The following CYP4X1 variants were observed in gnomAD, a reference collection of about 807,000 sequenced individuals.
The protein encoded by CYP4X1 is cytochrome P450 4X1.
CYP4X1 carries 44 observed loss-of-function variants against 57.9 expected under a neutral mutation model. The ratio of observed to expected loss-of-function variants is 0.76; its 90% CI spans 0.60 to 0.98. CYP4X1 has a LOEUF of 0.98. CYP4X1 is among the 50% of genes least tolerant of loss of function. The pLI is 0.00. For missense variants in CYP4X1, 532 were observed against 623.9 expected, an observed-to-expected ratio of 0.85 and a Z score of 1.57; for synonymous variants, 227 against 228.6, an observed-to-expected ratio of 0.99 and a Z score of 0.06.
intron 1 of CYP4X1, among the ~76,000 whole-genome samples, chr1:47,027,508 AG>A (rs1392952589): frequency 6.6e-5 from 10 of 152,200 alleles, no homozygotes; most frequent in African/African-American, 2.4e-4. Flanking sequence ...GAACATTTCA[AG>A]TCTCTTCAAG....
rs1569663122 is a variant in CYP4X1, at chr1:47,049,410, C to A, written c.1273-12C>A. 1 of 1,612,528 alleles carries A rather than the reference C, an allele frequency of 6.2e-7. No individual in the cohort carries two copies. Among genetic ancestry groups the A allele is most frequent in the African/African-American group, 1.3e-5 (1 of 74,962 alleles). On this transcript the variant is annotated splice_polypyrimidine_tract_variant and intron_variant, in intron 10 of 11. Coordinates refer to ENST00000371901, the MANE Select transcript of CYP4X1 (RefSeq NM_178033.2). ...TTTGGGGGATGGTGTTGGGGTTGTC[C>A]TCTCATTTCAGGTCTTTGACCCCTT...
intron 9 of CYP4X1, among the ~76,000 whole-genome samples, chr1:47,047,549 A>G (rs1644315681): frequency 6.6e-6 from 1 of 152,170 alleles, no homozygotes; most frequent in African/African-American, 2.4e-5. Flanking sequence ...GAATAGCACC[A>G]ATGGAAATTT....
chr1:46,993,843 T>C, the CYP4X1 span, among the ~76,000 whole-genome samples: 1 of 152,190 alleles, frequency 6.6e-6, no homozygotes, highest in African/African-American at 2.4e-5. Context: ...CTTTGTCAGA[T>C]GAGTAGATTG....
intron 1 of CYP4X1, among the ~76,000 whole-genome samples, chr1:47,024,956 T>G (rs997675688): frequency 1.3e-5 from 2 of 152,242 alleles, no homozygotes; most frequent in Non-Finnish European, 2.9e-5. Flanking sequence ...TAAATACTTA[T>G]TTGTAAAATA....
chr1:46,990,417 T>C, the CYP4X1 span, among the ~76,000 whole-genome samples: 1 of 152,178 alleles, frequency 6.6e-6, no homozygotes, highest in South Asian at 2.1e-4. Flanking sequence ...CTGGAGACGA[T>C]GCAGAGAAAT....
the CYP4X1 span, among the ~76,000 whole-genome samples, chr1:47,006,588 G>A: frequency 6.6e-6 from 1 of 152,070 alleles, no homozygotes; most frequent in South Asian, 2.1e-4. Context: ...GTGGGTTCAG[G>A]ACAGTGGATG....
the CYP4X1 span, among the ~76,000 whole-genome samples, chr1:47,012,234 A>G: frequency 6.6e-6 from 1 of 152,252 alleles, no homozygotes; most frequent in African/African-American, 2.4e-5. Context: ...CAGCCATAAA[A>G]AAGATGAGTT....
the CYP4X1 span, among the ~76,000 whole-genome samples, chr1:46,983,159 T>C: frequency 6.6e-6 from 1 of 152,174 alleles, no homozygotes; most frequent in Non-Finnish European, 1.5e-5. Flanking sequence ...TCTTTGTTCC[T>C]TCCCCAGCCT....
intron 8 of CYP4X1, among the ~76,000 whole-genome samples, chr1:47,040,501 T>C (rs913922576): frequency 2.6e-5 from 4 of 152,186 alleles, no homozygotes; most frequent in Non-Finnish European, 5.9e-5. Flanking sequence ...TTGAAACATT[T>C]GTAAAACCAA....
chr1:46,961,435 A>C, the CYP4X1 span: 1 of 575,622 alleles, frequency 1.7e-6, no homozygotes, highest in South Asian at 3.4e-5. Context: ...TCCTGGGCCC[A>C]CCAGTTTTTC....
At chr1:47,032,056 CA>C (rs56397619) in intron 3 of CYP4X1, among the ~76,000 whole-genome samples, 13,955 of 147,902 alleles carry the variant, frequency 0.094, 700 homozygotes, top group East Asian at 0.23. Flanking sequence ...CCCCCAACAA[CA>C]AAAAAAAAAC....
At chr1:47,042,943 A>G (rs899882657) in intron 8 of CYP4X1, among the ~76,000 whole-genome samples, 7 of 152,140 alleles carry the variant, frequency 4.6e-5, no homozygotes, top group African/African-American at 1.7e-4. Context: ...TTTTTCATAT[A>G]ATGACTTCTC....
In CYP4X1 at chr1:47,036,169, C is replaced by T. The variant is rs1325355417; in HGVS notation, c.773C>T (p.Thr258Ile). 6.2e-7 allele frequency: 1 copy of T among 1,608,128 alleles called. No homozygotes were observed. Among genetic ancestry groups the T allele is most frequent in the South Asian group, 1.1e-5 (1 of 90,554 alleles). Residue 258 changes from threonine to isoleucine, a missense_variant and splice_region_variant, in exon 6 of 12, where the codon ACA becomes ATA. Thr to Ile is a moderately conservative substitution (Grantham distance 89, BLOSUM62 -1). Transcript: ENST00000371901. Reference sequence around the variant, plus strand: ...TTAAGCCGAGTGTTGAATCAGTACACAGGTATTTGTTGGGTTTGGGTTGCC... The same window carrying T: ...TTAAGCCGAGTGTTGAATCAGTACATAGGTATTTGTTGGGTTTGGGTTGCC... ...QKLSRVLNQY[T>I]DTIIQERKKS... is the part of the protein sequence containing the mutation.
Position 47,039,409 on chromosome 1 carries a change from G to A in CYP4X1, c.950G>A (p.Gly317Glu). 2 of 1,613,712 alleles carry A rather than the reference G, an allele frequency of 1.2e-6. No homozygotes were observed. Among genetic ancestry groups the A allele is most frequent in the South Asian group, 2.2e-5 (2 of 91,024 alleles). ...HSEVSTFLLA[G>E]HDTLAASISW... ...GAAGTGAGCACATTCCTGTTGGCAG[G>A]ACATGACACCTTGGCAGCAAGCATC... Residue 317 changes from glycine (G) to glutamate (E), a missense_variant, in exon 8 of 12, where the codon GGA becomes GAA. By Grantham distance (98) the Gly-to-Glu change is moderately conservative. Transcript: ENST00000371901.
At chr1:46,993,172 A>T in the CYP4X1 span, among the ~76,000 whole-genome samples, 1 of 144,950 alleles carries the variant, frequency 6.9e-6, no homozygotes, top group Admixed American at 7.3e-5. Context: ...TATGAGTGAG[A>T]ACATGCGGTG....
chr1:47,024,072 G>C (rs1463102534), intron 1 of CYP4X1, 78 bp downstream of exon 1: 2 of 1,499,224 alleles, frequency 1.3e-6, no homozygotes, highest in African/African-American at 2.8e-5. Flanking sequence ...CCGGCAGAGA[G>C]ACGCAGCTTT....
intron 4 of CYP4X1, 97 bp downstream of exon 4, chr1:47,033,465 A>G: frequency 6.7e-7 from 1 of 1,489,938 alleles, no homozygotes; most frequent in East Asian, 2.3e-5. Flanking sequence ...ATAAAAAATC[A>G]GTTTCTAAAA....
chr1:46,982,162 T>C, the CYP4X1 span, among the ~76,000 whole-genome samples: 1 of 152,196 alleles, frequency 6.6e-6, no homozygotes, highest in Non-Finnish European at 1.5e-5. Context: ...TGTGTAATAA[T>C]AAAATTATTG....
At chr1:46,970,039 T>C in the CYP4X1 span, among the ~76,000 whole-genome samples, 12 of 152,374 alleles carry the variant, frequency 7.9e-5, no homozygotes, top group East Asian at 2.3e-3. Context: ...GCAAGGTGTC[T>C]GAATTCTAAA....
Sources: gnomAD v4.1 joint callset for allele counts (sites outside exome capture counted in the v4.1 genomes callset) on GRCh38, gnomAD v4.1.1 for gene constraint, MANE v1.5 for transcripts, NCBI Gene and HGNC (gene_info 2026-07-23, HGNC 2026-07-21) for gene names.